PVT1: variants seen among roughly 807,000 people sequenced by gnomAD.
The protein encoded by PVT1 is CXCR4/PVT1 fusion.
intron 3 of PVT1, among the ~76,000 whole-genome samples, chr8:127,976,647 C>T (rs1301800705): frequency 2.0e-5 from 3 of 152,170 alleles, no homozygotes; most frequent in Admixed American, 1.3e-4. Context: ...AACCAGGCAT[C>T]AGGGGCTTGG....
chr8:127,983,954 C>T (rs1489971014), intron 3 of PVT1: 1 of 149,650 alleles, frequency 6.7e-6, no homozygotes, highest in African/African-American at 2.5e-5. Flanking sequence ...TCCCAGGTCA[C>T]TGCAACCCCC....
intron 2 of PVT1, among the ~76,000 whole-genome samples, chr8:127,808,291 A>G (rs1586388108): frequency 6.6e-6 from 1 of 151,520 alleles, no homozygotes; most frequent in Non-Finnish European, 1.5e-5. Context: ...CTGGTGATCT[A>G]CCTGCCTCAG....
chr8:128,049,439 A>G (rs950638743), intron 4 of PVT1, among the ~76,000 whole-genome samples: 1 of 151,952 alleles, frequency 6.6e-6, no homozygotes, highest in African/African-American at 2.4e-5. Context: ...CTGCAGCGTC[A>G]AGGTCTGGGG....
chr8:128,046,258 C>G (rs530111182), intron 4 of PVT1, among the ~76,000 whole-genome samples: 23 of 152,320 alleles, frequency 1.5e-4, no homozygotes, highest in African/African-American at 5.5e-4. Context: ...AGACACTGTC[C>G]TAAGCACTTT....
In PVT1 at chr8:127,814,455, C is replaced by T. The variant is rs528388103; in HGVS notation, n.372+18384C>T. On this transcript the variant is annotated intron_variant and non_coding_transcript_variant, in intron 2 of 10. Transcript: ENST00000651587. ...GTGTCTTAATGAGCAGTTCCAGCTG[C>T]ACGCTGGGCATCTCCTAATTTACTC... is the stretch of plus-strand genomic sequence containing the variant. Among the ~76,000 whole-genome samples, 8 of 152,316 alleles carry T rather than the reference C, an allele frequency of 5.3e-5. No individual in the cohort carries two copies. The East Asian group carries it at 1.3e-3, about 26-fold the overall frequency.
At chr8:127,959,410 A>G (rs1194201760) in intron 3 of PVT1, among the ~76,000 whole-genome samples, 1 of 151,744 alleles carries the variant, frequency 6.6e-6, no homozygotes, top group African/African-American at 2.4e-5. Context: ...CATGGTGAAA[A>G]CCCATCTCTA....
At chr8:127,919,331 G>A (rs1482328239) in intron 3 of PVT1, among the ~76,000 whole-genome samples, 1 of 152,270 alleles carries the variant, frequency 6.6e-6, no homozygotes, top group East Asian at 1.9e-4. Flanking sequence ...GAGCAGGAAG[G>A]TGACTTCTTT....
At chr8:128,061,200 T>G (rs924530281) in intron 4 of PVT1, among the ~76,000 whole-genome samples, 1 of 152,240 alleles carries the variant, frequency 6.6e-6, no homozygotes, top group Non-Finnish European at 1.5e-5. Flanking sequence ...TGAGCCACCA[T>G]GCCTGGCCAT....
chr8:128,083,702 T>C (rs1814220038), intron 5 of PVT1, among the ~76,000 whole-genome samples: 1 of 152,342 alleles, frequency 6.6e-6, no homozygotes, highest in Non-Finnish European at 1.5e-5. Flanking sequence ...ACTCTCCTCA[T>C]ACCTTTTTTG....
chr8:128,085,529 TG>T (rs1814245545), intron 5 of PVT1, among the ~76,000 whole-genome samples: 2 of 152,228 alleles, frequency 1.3e-5, no homozygotes, highest in African/African-American at 4.8e-5. Context: ...GTTTCTCATC[TG>T]TAAGTTAAGA....
intron 3 of PVT1, among the ~76,000 whole-genome samples, chr8:127,927,602 G>A (rs1394487185): frequency 6.6e-6 from 1 of 152,154 alleles, no homozygotes; most frequent in Non-Finnish European, 1.5e-5. Flanking sequence ...CATGAATGTG[G>A]GGGTGTATGA....
At chr8:127,803,409 G>T (rs377264395) in intron 2 of PVT1, 1 of 152,118 alleles carries the variant, frequency 6.6e-6, no homozygotes, top group Non-Finnish European at 1.5e-5. Flanking sequence ...GATTACAGGC[G>T]TGAGCCGCCG....
At chr8:127,867,123 C>G (rs774148462) in intron 2 of PVT1, among the ~76,000 whole-genome samples, 1 of 152,256 alleles carries the variant, frequency 6.6e-6, no homozygotes, top group African/African-American at 2.4e-5. Flanking sequence ...CTGCTCAAGA[C>G]CTGCCTGCGG....
At chr8:127,905,768 A>G (rs962650952) in intron 3 of PVT1, among the ~76,000 whole-genome samples, 3 of 152,170 alleles carry the variant, frequency 2.0e-5, no homozygotes, top group African/African-American at 7.2e-5. Context: ...GGTTGAGTCA[A>G]TCTCCCATCT....
At chr8:127,824,891 G>T (rs1814769594) in intron 2 of PVT1, among the ~76,000 whole-genome samples, 8 of 152,076 alleles carry the variant, frequency 5.3e-5, no homozygotes, top group Admixed American at 3.9e-4. Flanking sequence ...AGGCCGAGGT[G>T]GGTGGAACAC....
At chr8:127,893,845 C>T (rs544127002) in intron 3 of PVT1, among the ~76,000 whole-genome samples, 7 of 152,176 alleles carry the variant, frequency 4.6e-5, no homozygotes, top group Non-Finnish European at 1.0e-4. Context: ...CAGGTGTATA[C>T]GAGGATGTAG....
chr8:127,855,118 C>G, intron 2 of PVT1: 1 of 398,762 alleles, frequency 2.5e-6, no homozygotes, highest in Non-Finnish European at 4.4e-6. Flanking sequence ...CTCTCTGTCT[C>G]TCTTTCTCCC....
intron 3 of PVT1, among the ~76,000 whole-genome samples, chr8:127,943,514 A>G (rs552069708): frequency 7.2e-4 from 110 of 152,096 alleles, no homozygotes; most frequent in Non-Finnish European, 3.7e-4. Context: ...GGGTCAGATG[A>G]TTTGTTGTGG....
At chr8:127,843,580 C>T (rs1016395318) in intron 2 of PVT1, among the ~76,000 whole-genome samples, 2 of 151,866 alleles carry the variant, frequency 1.3e-5, no homozygotes, top group Non-Finnish European at 2.9e-5. Context: ...GTAGCTGGGA[C>T]TACAGGCGCC....
Sources: allele counts gnomAD v4.1 joint callset (sites outside exome capture counted in the v4.1 genomes callset), GRCh38; gene constraint gnomAD v4.1.1; transcripts MANE v1.5; gene names NCBI Gene and HGNC (gene_info 2026-07-23, HGNC 2026-07-21).